CHRM1: variants seen among roughly 807,000 people sequenced by gnomAD.
The protein encoded by CHRM1 is cholinergic receptor muscarinic 1, also known as muscarinic acetylcholine receptor M1.
Under a neutral mutation model 31.6 loss-of-function variants are expected in CHRM1, and 5 were observed. That is an observed-to-expected ratio of 0.16 (90% CI 0.08 to 0.33). The LOEUF is 0.33. Ranked by LOEUF, CHRM1 falls within the 10% of genes least tolerant of loss-of-function variation. The pLI, the probability that CHRM1 is intolerant of heterozygous loss-of-function variation, is 1.00. For missense variants in CHRM1, 338 were observed against 610.3 expected (o/e 0.55, Z 4.70); for synonymous variants, 227 against 249.7 (o/e 0.91, Z 0.86).
intron 1 of CHRM1, among the ~76,000 whole-genome samples, chr11:62,919,155 C>G (rs72931334): frequency 6.6e-5 from 10 of 152,096 alleles, no homozygotes; most frequent in Non-Finnish European, 1.3e-4. Context: ...CCAGCCCATA[C>G]GAGGCAGCTC....
chr11:62,915,555 G>T (rs903295404), intron 1 of CHRM1, among the ~76,000 whole-genome samples: 1 of 152,280 alleles, frequency 6.6e-6, no homozygotes, highest in Admixed American at 6.5e-5. Context: ...TGTTTAGTGA[G>T]TATTTTTACG....
rs779659363 is a variant in CHRM1, at chr11:62,910,820, C to A, written c.281G>T (p.Gly94Val). The A allele has an allele frequency of 6.2e-7, 1 of 1,614,146 alleles. No homozygotes were observed. Among genetic ancestry groups the A allele is most frequent in the Admixed American group, 1.7e-5 (1 of 60,016 alleles). Residue 94 changes from glycine to valine, a missense_variant, in exon 2 of 2, where the codon GGC (glycine) becomes GTC (valine). By Grantham distance (109) the Gly-to-Val change is moderately radical. This residue lies in a region of CHRM1 where 85 missense variants were observed against 257.7 expected (regional missense o/e 0.33). Transcript: ENST00000306960. This position sits in a 1 kb window ranked among gnomAD's most constrained non-coding sequence, Gnocchi z 8.7. Reference protein sequence around the residue: ...TYLLMGHWALGTLACDLWLAL... With the variant: ...TYLLMGHWALVTLACDLWLAL... ...CAGCCAGAGGTCACAAGCCAGCGTG[C>A]CCAGAGCCCAGTGGCCCATGAGCAG...
intron 1 of CHRM1, among the ~76,000 whole-genome samples, chr11:62,916,352 T>C (rs183560976): frequency 1.3e-5 from 2 of 152,294 alleles, no homozygotes; most frequent in Admixed American, 1.3e-4. Flanking sequence ...TTACATTATC[T>C]CACTTGGGGC....
At chr11:62,917,815 T>A (rs867505398) in intron 1 of CHRM1, 1 of 152,174 alleles carries the variant, frequency 6.6e-6, no homozygotes, top group Admixed American at 6.5e-5. Context: ...CATATTATAG[T>A]AACTGGTATT....
rs777303714 is a variant in CHRM1, at chr11:62,909,750, A to G, written c.1351T>C (p.Ser451Pro). 6 of 1,614,044 alleles carry G rather than the reference A, an allele frequency of 3.7e-6. 1 individual carries two copies. In the South Asian group the frequency reaches 6.6e-5, roughly 18 times the overall value. The change falls in exon 2 of 2, where the codon TCC becomes CCC. Residue 451 changes from serine to proline, a missense_variant. This residue lies in a region of CHRM1 where 68 missense variants were observed against 108.5 expected (regional missense o/e 0.63). Coordinates refer to ENST00000306960, the MANE Select transcript of CHRM1 (RefSeq NM_000738.3). ...RWRKIPKRPG[S>P]VHRTPSRQC is the part of the protein sequence containing the mutation. ...TGGCGGGAGGGAGTGCGGTGCACGG[A>G]GCCAGGGCGCTTGGGGATCTTGCGC...
intron 1 of CHRM1, among the ~76,000 whole-genome samples, chr11:62,918,866 TC>T (rs1172767939): frequency 6.6e-6 from 1 of 152,060 alleles, no homozygotes; most frequent in African/African-American, 2.4e-5. Context: ...ACCAGGCTTT[TC>T]TGAACGTACC....
intron 1 of CHRM1, among the ~76,000 whole-genome samples, chr11:62,911,434 T>C (rs969724274): frequency 6.6e-6 from 1 of 152,186 alleles, no homozygotes; most frequent in Non-Finnish European, 1.5e-5. Flanking sequence ...ACTCCAGGCC[T>C]CCATTTTCTT....
At chr11:62,911,663 T>G (rs889343894) in intron 1 of CHRM1, among the ~76,000 whole-genome samples, 4 of 152,214 alleles carry the variant, frequency 2.6e-5, no homozygotes, top group African/African-American at 9.7e-5. Context: ...AGGGCTCTTA[T>G]TATGCCCATC....
chr11:62,914,197 G>A (rs1431533975), intron 1 of CHRM1, among the ~76,000 whole-genome samples: 1 of 152,028 alleles, frequency 6.6e-6, no homozygotes, highest in African/African-American at 2.4e-5. Context: ...GCCTGCCTCG[G>A]GCTCCCAAAG....
intron 1 of CHRM1, chr11:62,918,087 G>C (rs1474354373): frequency 1.3e-5 from 2 of 152,268 alleles, no homozygotes; most frequent in African/African-American, 2.4e-5. Flanking sequence ...GCGGGGGTTT[G>C]CCAGCCTCCT....
chr11:62,911,636 G>T (rs1036568790), intron 1 of CHRM1, among the ~76,000 whole-genome samples: 1 of 152,192 alleles, frequency 6.6e-6, no homozygotes, highest in Non-Finnish European at 1.5e-5. Context: ...TTTAACTGCT[G>T]TACGTCTCTA....
rs750906403 is a variant in CHRM1 at position 62,911,140 on chromosome 11, C to T, written c.-40G>A. 1 of 1,590,638 alleles carries T rather than the reference C, an allele frequency of 6.3e-7. No homozygotes were observed. On this transcript the variant is annotated 5_prime_UTR_variant, in exon 2 of 2. Transcript: ENST00000306960. ...GCTGGGGTTGGAGAGCCCCTTCCTCCAGGCACGCTACAGGGCTTCCTCAGG... is the reference window on the plus strand; with the variant it reads ...GCTGGGGTTGGAGAGCCCCTTCCTCTAGGCACGCTACAGGGCTTCCTCAGG...
At chr11:62,912,772 C>A (rs76205514) in intron 1 of CHRM1, among the ~76,000 whole-genome samples, 228 of 152,348 alleles carry the variant, frequency 1.5e-3, no homozygotes, top group African/African-American at 5.3e-3. Context: ...AGGCATCCAT[C>A]TGACCATTGA....
chr11:62,910,683 G>A lies in CHRM1; in HGVS notation c.418C>T (p.Arg140Cys), dbSNP rs773402932. 4.3e-6 allele frequency: 7 copies of A among 1,614,014 alleles called. No homozygotes were observed. The highest frequency in any genetic ancestry group is 1.3e-5 in the African/African-American group (1 of 74,926). Residue 140 changes from arginine (R) to cysteine (C), a missense_variant, in exon 2 of 2, where the codon CGC becomes TGC. Coordinates refer to ENST00000306960, the MANE Select transcript of CHRM1 (RefSeq NM_000738.3). This position sits in a 1 kb window ranked among gnomAD's most constrained non-coding sequence, Gnocchi z 8.7. ...AGGCCGATCATCAGAGCTGCCCGGC[G>A]GGGTGTGCGCTTGGCACGGTAGCTC... is the stretch of plus-strand genomic sequence containing the variant. Reference protein sequence around the residue: ...PLSYRAKRTPRRAALMIGLAW... With the variant: ...PLSYRAKRTPCRAALMIGLAW...
intron 1 of CHRM1, among the ~76,000 whole-genome samples, chr11:62,916,498 C>A (rs1565266474): frequency 6.6e-6 from 1 of 152,154 alleles, no homozygotes; most frequent in African/African-American, 2.4e-5. Context: ...GAGGTGAGGA[C>A]CTCTCCTAGA....
intron 1 of CHRM1, among the ~76,000 whole-genome samples, chr11:62,913,671 C>CAA (rs35385223): frequency 7.2e-5 from 6 of 83,386 alleles, no homozygotes; most frequent in Non-Finnish European, 1.0e-4. Context: ...AACTCTGTCT[C>CAA]AAAAAAAAAA....
chr11:62,917,741 G>T (rs1256678443), intron 1 of CHRM1, among the ~76,000 whole-genome samples: 1 of 152,130 alleles, frequency 6.6e-6, no homozygotes, highest in Non-Finnish European at 1.5e-5. Context: ...GATGAAGGCT[G>T]TTAGAAGGCT....
At chr11:62,914,588 G>A (rs1193221869) in intron 1 of CHRM1, among the ~76,000 whole-genome samples, 3 of 152,212 alleles carry the variant, frequency 2.0e-5, no homozygotes, top group Non-Finnish European at 1.5e-5. Flanking sequence ...TCTTGTCACT[G>A]TCATCTTCTG....
chr11:62,909,876 C>T lies in CHRM1; in HGVS notation c.1225G>A (p.Val409Ile), dbSNP rs1225220768. The change falls in exon 2 of 2, where the codon GTC (valine) becomes ATC (isoleucine). Residue 409 changes from valine to isoleucine, a missense_variant. By Grantham distance (29) the Val-to-Ile change is conservative. Transcript: ENST00000306960. ...CACATGGGGTTGATGGTGCTGTTGA[C>T]GTAGCACAGCCAGTAGCCCAGCTCC... ...LWELGYWLCYVNSTINPMCYA... is the reference protein window; with the variant it reads ...LWELGYWLCYINSTINPMCYA... 11 of 1,614,100 alleles carry T rather than the reference C, an allele frequency of 6.8e-6. No homozygotes were observed. The highest frequency in any genetic ancestry group is 1.7e-5 in the Admixed American group (1 of 60,012).
Sources: allele counts gnomAD v4.1 joint callset (sites outside exome capture counted in the v4.1 genomes callset), GRCh38; gene constraint gnomAD v4.1.1; regional missense constraint gnomAD v4.1.1; non-coding constraint Gnocchi (gnomAD v3.1); transcripts MANE v1.5; gene names NCBI Gene and HGNC (gene_info 2026-07-23, HGNC 2026-07-21).